Variants in GSE1 observed in about 807,000 individuals in gnomAD.
GSE1 encodes Gse1 coiled-coil protein.
In GSE1, 32 loss-of-function variants were observed where a neutral mutation model predicts 112.6. The observed-to-expected ratio is 0.28, with a 90% CI of 0.21 to 0.38. The LOEUF is 0.38. GSE1 is among the 10% of genes least tolerant of loss of function. The pLI is 1.00. For synonymous variants in GSE1, 1,115 were observed against 735.6 expected (o/e 1.52, Z -8.35); for missense variants, 2,348 against 1,699.2 (o/e 1.38, Z -6.71).
At chr16:85,298,937 T>C (rs2045441636) in intron 1 of GSE1, among the ~76,000 whole-genome samples, 1 of 152,142 alleles carries the variant, frequency 6.6e-6, no homozygotes, top group Admixed American at 6.6e-5. Flanking sequence ...GCAAAGGCAG[T>C]CTGTGGCTGT....
chr16:85,193,008 C>T (rs1362236169), intron 1 of GSE1, among the ~76,000 whole-genome samples: 1 of 152,144 alleles, frequency 6.6e-6, no homozygotes, highest in Non-Finnish European at 1.5e-5. Flanking sequence ...TGGGAGCCTG[C>T]TAGGAGGCTC....
At chr16:85,567,211 C>T (rs1164515486) in intron 1 of GSE1, among the ~76,000 whole-genome samples, 2 of 151,968 alleles carry the variant, frequency 1.3e-5, no homozygotes, top group South Asian at 2.1e-4. Flanking sequence ...GGGGATGGGG[C>T]GGCTGGTGGG....
At chr16:85,643,067 G>T (rs531878239) in intron 2 of GSE1, among the ~76,000 whole-genome samples, 1 of 152,196 alleles carries the variant, frequency 6.6e-6, no homozygotes, top group African/African-American at 2.4e-5. Context: ...CTGCTGTGGC[G>T]CTGCGGTCCT....
rs775406138 is a variant in GSE1, at chr16:85,634,033, A to G, written c.127A>G (p.Ser43Gly). The G allele has an allele frequency of 6.2e-7, 1 of 1,610,634 alleles. No homozygotes were observed. Among genetic ancestry groups the G allele is most frequent in the South Asian group, 1.1e-5 (1 of 90,854 alleles). Reference sequence around the variant, plus strand: ...CAATGGCGCCCTGGTGCCCAGCGGCAGCCCCGCCACCAGCAGCGCGCTGTC... The same window carrying G: ...CAATGGCGCCCTGGTGCCCAGCGGCGGCCCCGCCACCAGCAGCGCGCTGTC... ...PLNGALVPSG[S>G]PATSSALSAQ... Residue 43 changes from serine to glycine, a missense_variant, in exon 2 of 16, where the codon AGC becomes GGC. Transcript: ENST00000253458.
intron 2 of GSE1, among the ~76,000 whole-genome samples, chr16:85,471,963 G>A (rs957281088): frequency 2.0e-5 from 3 of 152,200 alleles, no homozygotes; most frequent in Non-Finnish European, 4.4e-5. Context: ...ACACCTTAAG[G>A]CACCGTAAGA....
chr16:85,361,378 C>A (rs77131713), intron 2 of GSE1, among the ~76,000 whole-genome samples: 2,608 of 58,116 alleles, frequency 0.045, 132 homozygotes, highest in African/African-American at 0.13. Flanking sequence ...CAGGCACAGA[C>A]CCCCCCACAC....
At chr16:85,500,098 T>C (rs1398336026) in intron 2 of GSE1, among the ~76,000 whole-genome samples, 3 of 152,224 alleles carry the variant, frequency 2.0e-5, no homozygotes, top group Admixed American at 2.0e-4. Flanking sequence ...GTGTTAGTAC[T>C]GTGGAATATT....
intron 2 of GSE1, among the ~76,000 whole-genome samples, chr16:85,543,955 A>G (rs2044612414): frequency 6.6e-6 from 1 of 152,180 alleles, no homozygotes; most frequent in African/African-American, 2.4e-5. Context: ...CTCCTGCCTC[A>G]GCCTCCCAAG....
intron 1 of GSE1, among the ~76,000 whole-genome samples, chr16:85,622,879 A>AGCTGCC (rs1293943647): frequency 2.0e-5 from 3 of 152,274 alleles, no homozygotes; most frequent in East Asian, 3.9e-4. Flanking sequence ...TTGCAGCTGC[A>AGCTGCC]GCTGCCGCAG....
In GSE1 at chr16:85,373,991, G is replaced by C. The variant is rs1357721354; in HGVS notation, c.2464+16348G>C. Reference sequence around the variant, plus strand: ...CCACGGTGGCTGCATGTGCGTATGTGTGTGGGTGTCCACATGTGTCAGGTT... The same window carrying C: ...CCACGGTGGCTGCATGTGCGTATGTCTGTGGGTGTCCACATGTGTCAGGTT... On this transcript the variant is annotated intron_variant, in intron 2 of 2. Coordinates refer to the GSE1 transcript ENST00000637419. The surrounding 1 kb of genome is among the most constrained non-coding windows in gnomAD (Gnocchi z 5.1). 6.6e-6 allele frequency among the ~76,000 whole-genome samples: 1 copy of C among 152,234 alleles called. No individual in the cohort carries two copies. The highest frequency in any genetic ancestry group is 1.5e-5 in the Non-Finnish European group (1 of 68,046).
chr16:85,613,252 G>C, upstream of GSE1: 1 of 1,523,864 alleles, frequency 6.6e-7, no homozygotes, highest in African/African-American at 1.4e-5. Context: ...TTCTTGGCCG[G>C]GGCCCCGGAA....
At chr16:85,232,567 GCCATGTGGC>G (rs1179609610) in intron 1 of GSE1, among the ~76,000 whole-genome samples, 2 of 152,228 alleles carry the variant, frequency 1.3e-5, no homozygotes, top group Admixed American at 6.5e-5. Flanking sequence ...CTGGTCTCCT[GCCATGTGGC>G]CCAAGGGAGG....
chr16:85,669,853 C>A (rs1395448217), intron 14 of GSE1, among the ~76,000 whole-genome samples: 1 of 152,228 alleles, frequency 6.6e-6, no homozygotes, highest in African/African-American at 2.4e-5. Flanking sequence ...CTCTTCCCTG[C>A]CTCACTCCCA....
At chr16:85,497,056 G>A (rs554176508) in intron 2 of GSE1, among the ~76,000 whole-genome samples, 1 of 152,066 alleles carries the variant, frequency 6.6e-6, no homozygotes, top group Admixed American at 6.5e-5. Context: ...GTGCCACCAC[G>A]CCCCGCTAAG....
At chr16:85,503,210 C>T (rs2051428603) in intron 2 of GSE1, among the ~76,000 whole-genome samples, 1 of 152,208 alleles carries the variant, frequency 6.6e-6, no homozygotes, top group Non-Finnish European at 1.5e-5. Context: ...ACGCTGAAGC[C>T]AGGATTTCCA....
intron 1 of GSE1, 120 bp from the exon 2 acceptor site, chr16:85,633,794 G>A: frequency 1.5e-6 from 1 of 688,666 alleles, no homozygotes; most frequent in Non-Finnish European, 2.5e-6. Context: ...TCCTGCTGGA[G>A]CCCCCGGGGC....
At chr16:85,606,371 C>T (rs996699753) in intron 1 of GSE1, among the ~76,000 whole-genome samples, 4 of 152,246 alleles carry the variant, frequency 2.6e-5, no homozygotes, top group African/African-American at 9.6e-5. Flanking sequence ...CTCCGAGCTC[C>T]ACAACCTCAT....
intron 2 of GSE1, among the ~76,000 whole-genome samples, chr16:85,460,558 C>T (rs1050916229): frequency 3.3e-5 from 5 of 152,206 alleles, no homozygotes; most frequent in African/African-American, 1.2e-4. Context: ...AACTGACAGG[C>T]AGAAAGTGGG....
intron 1 of GSE1, among the ~76,000 whole-genome samples, chr16:85,292,042 C>G (rs964641627): frequency 2.0e-5 from 3 of 152,184 alleles, no homozygotes; most frequent in Non-Finnish European, 4.4e-5. Flanking sequence ...CCCCCATATT[C>G]CCAGCTACTT....
Sources: allele counts gnomAD v4.1 joint callset (sites outside exome capture counted in the v4.1 genomes callset), GRCh38; gene constraint gnomAD v4.1.1; non-coding constraint Gnocchi (gnomAD v3.1); transcripts MANE v1.5; gene names NCBI Gene and HGNC (gene_info 2026-07-23, HGNC 2026-07-21).